Variants in RANGAP1 observed in about 807,000 individuals in gnomAD.
RANGAP1 encodes the protein Ran GTPase activating protein 1, also known as ran GTPase-activating protein 1.
A neutral mutation model predicts 63.5 loss-of-function variants in RANGAP1; 38 were observed. That is an observed-to-expected ratio of 0.60 (90% CI 0.46 to 0.78). The LOEUF (loss-of-function observed/expected upper bound fraction) is 0.78. RANGAP1 is among the 30% of genes least tolerant of loss of function. The pLI is 0.00. For missense variants in RANGAP1, 630 were observed against 740.3 expected (o/e 0.85, Z 1.73); for synonymous variants, 329 against 310.5 (o/e 1.06, Z -0.63).
upstream of RANGAP1, among the ~76,000 whole-genome samples, chr22:41,286,754 T>A (rs1465508185): frequency 6.6e-6 from 1 of 152,218 alleles, no homozygotes; most frequent in Non-Finnish European, 1.5e-5. Flanking sequence ...ACGGCCACGT[T>A]AACATCAACA....
At chr22:41,267,989 C>T (rs934200479) in intron 4 of RANGAP1, 108 bp downstream of exon 4, 6 of 1,204,248 alleles carry the variant, frequency 5.0e-6, no homozygotes, top group African/African-American at 1.5e-5. Flanking sequence ...AGCTCAGTCA[C>T]CCACAGGGCT....
intron 2 of RANGAP1, among the ~76,000 whole-genome samples, chr22:41,279,453 G>C (rs1010090410): frequency 1.3e-5 from 2 of 151,694 alleles, no homozygotes; most frequent in Admixed American, 6.6e-5. Flanking sequence ...CTGGGTGACA[G>C]AGCACGACTC....
At chr22:41,249,896 C>A (rs1004733896) in intron 13 of RANGAP1, 79 bp from the exon 14 acceptor site, 3 of 1,293,824 alleles carry the variant, frequency 2.3e-6, no homozygotes, top group Non-Finnish European at 2.2e-6. Context: ...TCCCCCAACA[C>A]CGCGCAGACA....
intron 1 of RANGAP1, chr22:41,281,515 G>A (rs745896466): frequency 1.6e-4 from 154 of 991,436 alleles, no homozygotes; most frequent in Non-Finnish European, 1.8e-4. Flanking sequence ...ACAGGACACA[G>A]ATGGCTATGG....
chr22:41,280,793 A>G, intron 2 of RANGAP1, 140 bp downstream of exon 2: 1 of 1,527,182 alleles, frequency 6.5e-7, no homozygotes, highest in Non-Finnish European at 8.8e-7. Context: ...CATTGTTAGA[A>G]TAGGCCCAAT....
At chr22:41,277,268 C>T (rs976197248) in intron 2 of RANGAP1, among the ~76,000 whole-genome samples, 1 of 151,508 alleles carries the variant, frequency 6.6e-6, no homozygotes, top group Admixed American at 6.6e-5. Flanking sequence ...TTAGTAGAGA[C>T]GGGGTTTCAC....
chr22:41,297,406 C>T, the RANGAP1 span, among the ~76,000 whole-genome samples: 3 of 152,154 alleles, frequency 2.0e-5, no homozygotes, highest in African/African-American at 7.2e-5. Context: ...CTGGAAACAC[C>T]CCCACAAAAG....
At chr22:41,281,778 G>C in intron 1 of RANGAP1, 1 of 378,148 alleles carries the variant, frequency 2.6e-6, no homozygotes, top group South Asian at 1.1e-4. Context: ...GATTTGGGTA[G>C]AAATGGGGTT....
chr22:41,277,607 T>TTATA (rs1205734411), intron 2 of RANGAP1: 1 of 784,160 alleles, frequency 1.3e-6, no homozygotes, highest in East Asian at 8.3e-5. Flanking sequence ...GAGAAAGGAC[T>TTATA]TATAACCTAG....
intron 10 of RANGAP1, among the ~76,000 whole-genome samples, chr22:41,255,097 G>C (rs557693926): frequency 6.6e-6 from 1 of 152,290 alleles, no homozygotes; most frequent in East Asian, 1.9e-4. Context: ...CCAGGGCTTG[G>C]CAGGAACACT....
intron 13 of RANGAP1, 60 bp downstream of exon 13, chr22:41,250,947 C>T (rs376759605): frequency 1.8e-4 from 255 of 1,411,540 alleles, no homozygotes; most frequent in Non-Finnish European, 2.4e-4. Context: ...ACGAAGGATA[C>T]CTGGGGCCCA....
intron 9 of RANGAP1, 36 bp downstream of exon 9, chr22:41,256,155 A>G (rs980813785): frequency 1.2e-6 from 2 of 1,613,456 alleles, no homozygotes; most frequent in Non-Finnish European, 1.7e-6. Flanking sequence ...GGGCCAGCCT[A>G]GCAGACCTGT....
intron 5 of RANGAP1, among the ~76,000 whole-genome samples, chr22:41,262,675 A>G (rs1341043861): frequency 6.6e-6 from 1 of 151,538 alleles, no homozygotes; most frequent in Non-Finnish European, 1.5e-5. Context: ...GATCACGCAC[A>G]CACTCAGGGT....
chr22:41,281,009 T>C lies in RANGAP1; in HGVS notation c.36A>G (p.Thr12=), dbSNP rs1399041182. The C allele has an allele frequency of 1.2e-6, 2 of 1,611,704 alleles. No homozygotes were observed. The highest frequency in any genetic ancestry group is 1.7e-6 in the Non-Finnish European group (2 of 1,179,020). ...CCCCGGCCACCTGAGTCTTGGCAAG[T>C]GTCTCTGCCAGCTTGGCAATGTCTT... The part of the protein sequence containing the change: ...ASEDIAKLAE[T]LAKTQVAGGQ... The change falls in exon 2 of 16, where the codon ACA becomes ACG. Residue 12 remains threonine (T), a synonymous_variant. Coordinates refer to ENST00000356244, the MANE Select transcript of RANGAP1 (RefSeq NM_002883.4).
intron 6 of RANGAP1, among the ~76,000 whole-genome samples, chr22:41,259,992 C>T (rs992470675): frequency 3.3e-5 from 5 of 149,362 alleles, no homozygotes; most frequent in East Asian, 3.9e-4. Flanking sequence ...GGCAACAGAG[C>T]GAGACCCTGC....
At position 41,252,968 on chromosome 22, in the gene RANGAP1, G is replaced by A. The variant is rs1435333281; in HGVS notation, c.1284C>T (p.Ser428=). 8 of 1,534,474 alleles carry A rather than the reference G, an allele frequency of 5.2e-6. No individual in the cohort carries two copies. Among genetic ancestry groups the A allele is most frequent in the Non-Finnish European group, 5.2e-6 (6 of 1,144,020 alleles). ...AGGTGGAGACGTCTGCAGGAGGTGG[G>A]GAGGACAGCACGGGAGCTGGCTCCT... ...NTGEPAPVLS[S]PPPADVSTFL... The change falls in exon 12 of 16, where the codon TCC becomes TCT. Residue 428 remains serine (S), a synonymous_variant. Coordinates refer to ENST00000356244, the MANE Select transcript of RANGAP1 (RefSeq NM_002883.4).
chr22:41,273,517 C>T (rs1038380078), intron 3 of RANGAP1, among the ~76,000 whole-genome samples: 14 of 152,078 alleles, frequency 9.2e-5, no homozygotes, highest in African/African-American at 3.4e-4. Context: ...CCTGTAATCC[C>T]AGCACATTGG....
chr22:41,275,417 GGGA>G (rs551908869), intron 2 of RANGAP1, among the ~76,000 whole-genome samples: 209 of 151,998 alleles, frequency 1.4e-3, no homozygotes, highest in African/African-American at 4.8e-3. Flanking sequence ...TCTTGAACCT[GGGA>G]GGAGGAGGGT....
Position 41,257,976 on chromosome 22 carries a change from G to A in RANGAP1, c.746C>T (p.Thr249Ile). ...GGCCATGGCCACGGCGCCCTTCTCA[G>A]TGAAGGTGTTGTCATTCAGGTTGAT... ...RVINLNDNTFTEKGAVAMAET... is the reference protein window; with the variant it reads ...RVINLNDNTFIEKGAVAMAET... The change falls in exon 7 of 16, where the codon ACT becomes ATT. Residue 249 changes from threonine to isoleucine, a missense_variant. Around this residue, in one of 3 missense-constraint regions of RANGAP1, gnomAD observed 428 missense variants for 465.5 expected, o/e 0.92. Coordinates refer to ENST00000356244, the MANE Select transcript of RANGAP1 (RefSeq NM_002883.4). This position sits in a 1 kb window ranked among gnomAD's most constrained non-coding sequence, Gnocchi z 4.0. 1.2e-6 allele frequency: 2 copies of A among 1,612,662 alleles called. No homozygotes were observed. The highest frequency in any genetic ancestry group is 1.7e-6 in the Non-Finnish European group (2 of 1,179,146).
Sources: gnomAD v4.1 joint callset for allele counts (sites outside exome capture counted in the v4.1 genomes callset) on GRCh38, gnomAD v4.1.1 for gene constraint, gnomAD v4.1.1 regional missense constraint, Gnocchi (gnomAD v3.1) non-coding constraint, MANE v1.5 for transcripts, NCBI Gene and HGNC (gene_info 2026-07-23, HGNC 2026-07-21) for gene names.